CAB39L: variants seen among roughly 807,000 people sequenced by gnomAD.
The protein encoded by CAB39L is calcium-binding protein 39-like.
A neutral mutation model predicts 39.1 loss-of-function variants in CAB39L; 23 were observed. The observed-to-expected ratio is 0.59, with a 90% CI of 0.42 to 0.83. The LOEUF is 0.83. Among genes scored for constraint, CAB39L ranks in the 40% least tolerant of loss-of-function variants. The pLI, the probability that CAB39L is intolerant of heterozygous loss-of-function variation, is 0.00. For synonymous variants in CAB39L, 126 were observed against 137.2 expected (o/e 0.92, Z 0.57); for missense variants, 366 against 391.9 (o/e 0.93, Z 0.56).
intron 3 of CAB39L, among the ~76,000 whole-genome samples, chr13:49,432,748 G>A (rs7998022): frequency 0.78 from 118,439 of 152,120 alleles, 46,684 homozygotes; most frequent in East Asian, 0.9. Flanking sequence ...TTTAGAAACT[G>A]TAAAAATTGT....
intron 3 of CAB39L, among the ~76,000 whole-genome samples, chr13:49,406,271 C>T (rs1224082245): frequency 6.6e-6 from 1 of 150,584 alleles, no homozygotes; most frequent in East Asian, 1.9e-4. Flanking sequence ...AGGTTCACGC[C>T]ATTCTCCTGC....
intron 3 of CAB39L, among the ~76,000 whole-genome samples, chr13:49,392,257 T>A (rs1355110722): frequency 6.6e-6 from 1 of 152,200 alleles, no homozygotes; most frequent in African/African-American, 2.4e-5. Flanking sequence ...CTATTTCATA[T>A]GTATATTAGG....
At position 49,350,845 on chromosome 13, in the gene CAB39L, G is replaced by A. The variant is rs1955325730; in HGVS notation, c.463C>T (p.Leu155Phe). Reference protein sequence around the residue: ...MLRECIRHEPLAKIILFSNQF... With the variant: ...MLRECIRHEPFAKIILFSNQF... ...TTAGAAAAGAGGATGATTTTGGCAAGTGGTTCATGTCGAATACATTCTCTC... is the reference window on the plus strand; with the variant it reads ...TTAGAAAAGAGGATGATTTTGGCAAATGGTTCATGTCGAATACATTCTCTC... The change falls in exon 7 of 11, where the codon CTT (leucine) becomes TTT (phenylalanine). Residue 155 changes from leucine (L) to phenylalanine (F), a missense_variant. Physicochemically the swap from Leu to Phe is conservative, Grantham distance 22. Transcript: ENST00000409308. 2 of 1,612,566 alleles carry A rather than the reference G, an allele frequency of 1.2e-6. No homozygotes were observed. Among genetic ancestry groups the A allele is most frequent in the Non-Finnish European group, 1.7e-6 (2 of 1,179,276 alleles).
At chr13:49,378,555 A>G (rs1184082461) in intron 4 of CAB39L, among the ~76,000 whole-genome samples, 49 of 37,642 alleles carry the variant, frequency 1.3e-3, no homozygotes, top group East Asian at 2.0e-3. Flanking sequence ...CAGCCCCCCC[A>G]CCCGGCCAGC....
chr13:49,424,087 A>C (rs1341842569), intron 3 of CAB39L, among the ~76,000 whole-genome samples: 1 of 152,224 alleles, frequency 6.6e-6, no homozygotes, highest in Non-Finnish European at 1.5e-5. Context: ...AAGAATTCCA[A>C]GTAATTAGCA....
Position 49,435,787 on chromosome 13 carries a change from C to T in CAB39L, c.-245-1564G>A, listed in dbSNP as rs183605245. Among the ~76,000 whole-genome samples the T allele has an allele frequency of 7.5e-4, 114 of 152,296 alleles. 1 individual carries two copies. The highest frequency in any genetic ancestry group is 2.5e-3 in the African/African-American group (106 of 41,574). ...AAGTGCTAGGGTTATAGGTGTGAGCCACCACGCCCAGTCTGGAACATCTTT... is the reference window on the plus strand; with the variant it reads ...AAGTGCTAGGGTTATAGGTGTGAGCTACCACGCCCAGTCTGGAACATCTTT... On this transcript the variant is annotated intron_variant, in intron 1 of 10. Coordinates refer to ENST00000409308, the MANE Select transcript of CAB39L (RefSeq NM_001079670.3).
intron 1 of CAB39L, among the ~76,000 whole-genome samples, chr13:49,442,463 T>G (rs1173174798): frequency 6.6e-6 from 1 of 152,054 alleles, no homozygotes; most frequent in African/African-American, 2.4e-5. Flanking sequence ...ACAAGTCAAG[T>G]GGAAGATACA....
chr13:49,390,073 G>A (rs1259838434), intron 3 of CAB39L, among the ~76,000 whole-genome samples: 1 of 151,996 alleles, frequency 6.6e-6, no homozygotes, highest in African/African-American at 2.4e-5. Flanking sequence ...TTTATGTAGA[G>A]ACATGGTCTC....
intron 9 of CAB39L, among the ~76,000 whole-genome samples, chr13:49,337,673 A>C (rs1212792003): frequency 6.6e-6 from 1 of 151,774 alleles, no homozygotes; most frequent in African/African-American, 2.4e-5. Flanking sequence ...CCATAAATTT[A>C]GCCCTCTGTT....
chr13:49,403,029 T>C lies in CAB39L; in HGVS notation c.-31-20088A>G, dbSNP rs190105606. Among the ~76,000 whole-genome samples, 267 of 152,318 alleles carry C rather than the reference T, an allele frequency of 1.8e-3. 1 individual carries two copies. The highest frequency in any genetic ancestry group is 6.2e-3 in the African/African-American group (256 of 41,582). ...GAATTTATAAAAGTGGTTCTTAGGA[T>C]AACTGCAAGGTTAATTTAAAACTGG... On this transcript the variant is annotated intron_variant, in intron 3 of 10. Transcript: ENST00000409308.
rs1436243913 is a variant in CAB39L at position 49,346,120 on chromosome 13, T to C, written c.565-1882A>G. ...TGCTAGATATATATATATATATATA[T>C]ATATCATGGATACAGCCAATAAACA... On this transcript the variant is annotated intron_variant, in intron 7 of 10. Transcript: ENST00000409308. Among the ~76,000 whole-genome samples, 19 of 88,482 alleles carry C rather than the reference T, an allele frequency of 2.1e-4. 3 individuals carry two copies. The highest frequency in any genetic ancestry group is 3.1e-4 in the African/African-American group (7 of 22,396). The allele number at this position is 88,482 out of a possible 152,430, so 58.0% of individuals were successfully genotyped here. A position where few individuals can be genotyped will look rare whatever the true frequency, so the allele number is the denominator to read the frequency against.
intron 3 of CAB39L, among the ~76,000 whole-genome samples, chr13:49,423,011 C>T (rs777769279): frequency 6.6e-6 from 1 of 151,892 alleles, no homozygotes; most frequent in Non-Finnish European, 1.5e-5. Flanking sequence ...CCAAGTTATA[C>T]GTAAAAACTA....
chr13:49,391,026 C>T (rs1956478300), intron 3 of CAB39L, among the ~76,000 whole-genome samples: 2 of 152,124 alleles, frequency 1.3e-5, no homozygotes, highest in Admixed American at 6.5e-5. Context: ...GGTTATTACA[C>T]AGAGGGAATG....
chr13:49,377,174 G>T (rs8002153), intron 4 of CAB39L, 43 bp from the exon 5 acceptor site: 777,024 of 1,544,196 alleles, frequency 0.5, 202,481 homozygotes, highest in African/African-American at 0.73. Context: ...GAATAAAAAT[G>T]TTTAGGCCAT....
At chr13:49,338,079 A>G (rs1954898974) in intron 9 of CAB39L, among the ~76,000 whole-genome samples, 2 of 152,210 alleles carry the variant, frequency 1.3e-5, no homozygotes, top group Admixed American at 6.5e-5. Flanking sequence ...AGCTAGCTGC[A>G]TCGTCTTTTA....
chr13:49,424,664 T>C (rs1957218042), intron 3 of CAB39L, among the ~76,000 whole-genome samples: 2 of 152,236 alleles, frequency 1.3e-5, no homozygotes, highest in South Asian at 4.1e-4. Flanking sequence ...CTCTGCACCA[T>C]CTTCGCAATT....
chr13:49,367,999 A>T (rs1955815368), intron 5 of CAB39L, among the ~76,000 whole-genome samples: 1 of 152,164 alleles, frequency 6.6e-6, no homozygotes, highest in Non-Finnish European at 1.5e-5. Context: ...TTTGCTGTAT[A>T]AAAAAAGATA....
chr13:49,352,079 A>G (rs1016789647), intron 6 of CAB39L, among the ~76,000 whole-genome samples: 15 of 152,158 alleles, frequency 9.9e-5, no homozygotes, highest in Non-Finnish European at 1.5e-4. Flanking sequence ...TATGATTTGC[A>G]TGCAGTAGGT....
intron 3 of CAB39L, among the ~76,000 whole-genome samples, chr13:49,411,554 G>T (rs1201022888): frequency 6.6e-5 from 10 of 151,750 alleles, no homozygotes; most frequent in African/African-American, 9.7e-5. Flanking sequence ...TACACACCAA[G>T]ATAATTTTTT....
Sources: gnomAD v4.1 joint callset for allele counts (sites outside exome capture counted in the v4.1 genomes callset) on GRCh38, gnomAD v4.1.1 for gene constraint, MANE v1.5 for transcripts, NCBI Gene and HGNC (gene_info 2026-07-23, HGNC 2026-07-21) for gene names.